THBS1: variants seen among roughly 807,000 people sequenced by gnomAD.
THBS1 encodes the protein thrombospondin-1.
Under a neutral mutation model 126.1 loss-of-function variants are expected in THBS1, and 29 were observed. The observed-to-expected ratio is 0.23, with a 90% confidence interval of 0.17 to 0.31. The LOEUF (loss-of-function observed/expected upper bound fraction) is 0.31, where lower values mean the gene tolerates loss of function less well. Among genes scored for constraint, THBS1 ranks in the 10% least tolerant of loss-of-function variants. THBS1 has a pLI of 1.00. For missense variants in THBS1, 1,198 were observed against 1,545.2 expected, an observed-to-expected ratio of 0.78 and a Z score of 3.77; for synonymous variants, 496 against 577.8, an observed-to-expected ratio of 0.86 and a Z score of 2.03.
chr15:39,590,473 A>G (rs1184749207), intron 13 of THBS1, 43 bp from the exon 14 acceptor site: 1 of 1,500,692 alleles, frequency 6.7e-7, no homozygotes, highest in South Asian at 1.2e-5. Context: ...GCTCAGCATG[A>G]GGAAGGCAAC....
intron 13 of THBS1, 31 bp from the exon 14 acceptor site, chr15:39,590,485 G>A: frequency 1.3e-6 from 2 of 1,553,628 alleles, no homozygotes; most frequent in Non-Finnish European, 1.8e-6. Context: ...GAAGGCAACT[G>A]AAGCAGTGAT....
chr15:39,591,223 G>A lies in THBS1; in HGVS notation c.2286G>A (p.Gln762=), dbSNP rs749280837. 3 of 1,614,162 alleles carry A rather than the reference G, an allele frequency of 1.9e-6. No individual in the cohort carries two copies. Among genetic ancestry groups the A allele is most frequent in the Non-Finnish European group, 2.5e-6 (3 of 1,180,028 alleles). ...DNCPFHYNPA[Q]YDYDRDDVGD... ...GTCCATTCCATTACAACCCAGCTCA[G>A]TATGACTATGACAGAGATGATGTGG... The change falls in exon 15 of 22, where the codon CAG becomes CAA. Residue 762 remains glutamine, a synonymous_variant. Coordinates refer to ENST00000260356, the MANE Select transcript of THBS1 (RefSeq NM_003246.4).
rs912883601 is a variant in THBS1 at position 39,599,313 on chromosome 15, C to T, written c.*3944C>T. 1 of 152,144 alleles carries T rather than the reference C, an allele frequency of 6.6e-6. No individual in the cohort carries two copies. Among genetic ancestry groups the T allele is most frequent in the Non-Finnish European group, 1.5e-5 (1 of 68,028 alleles). 9.4% of individuals were successfully genotyped at this position (152,144 alleles called of 1,614,324 possible). A position where few individuals can be genotyped will look rare whatever the true frequency, so the allele number is the denominator to read the frequency against. On this transcript the variant is annotated 3_prime_UTR_variant, in exon 22 of 22. Coordinates refer to ENST00000260356, the MANE Select transcript of THBS1 (RefSeq NM_003246.4). ...TCAGTTGACATGCTGTGAATGGTCCCACCTCTTTTATGGCAGAATTCATTA... is the reference window on the plus strand; with the variant it reads ...TCAGTTGACATGCTGTGAATGGTCCTACCTCTTTTATGGCAGAATTCATTA...
rs1595510213 is a variant in THBS1 at position 39,589,168 on chromosome 15, C to G, written c.1774-34C>G. On this transcript the variant is annotated intron_variant, in intron 11 of 21. Coordinates refer to ENST00000260356, the MANE Select transcript of THBS1 (RefSeq NM_003246.4). The surrounding 1 kb of genome is among the most constrained non-coding windows in gnomAD (Gnocchi z 4.7). ...AGTCGCTTCCTTATGGCAGTGACTTCTAAACATGATGCACGCTCTTATTTC... is the reference window on the plus strand; with the variant it reads ...AGTCGCTTCCTTATGGCAGTGACTTGTAAACATGATGCACGCTCTTATTTC... 3 of 1,613,686 alleles carry G rather than the reference C, an allele frequency of 1.9e-6. No homozygotes were observed. In the East Asian group the frequency reaches 6.7e-5, roughly 36 times the overall value.
chr15:39,588,065 C>T lies in THBS1; in HGVS notation c.1318C>T (p.His440Tyr). 1 of 1,614,116 alleles carries T rather than the reference C, an allele frequency of 6.2e-7. No homozygotes were observed. Among genetic ancestry groups the T allele is most frequent in the Non-Finnish European group, 8.5e-7 (1 of 1,179,984 alleles). The part of the protein sequence containing the change: ...KRFKQDGGWS[H>Y]WSPWSSCSVT... ...AGTTAAACAGGATGGTGGCTGGAGC[C>T]ACTGGTCCCCGTGGTCATCTTGTTC... Residue 440 changes from histidine (H) to tyrosine (Y), a missense_variant, in exon 9 of 22, where the codon CAC becomes TAC. This residue lies in a region of THBS1 where 663 missense variants were observed against 860.1 expected (regional missense o/e 0.77). Coordinates refer to ENST00000260356, the MANE Select transcript of THBS1 (RefSeq NM_003246.4).
chr15:39,591,368 C>A lies in THBS1; in HGVS notation c.2413+18C>A. 1.2e-6 allele frequency: 2 copies of A among 1,606,454 alleles called. No homozygotes were observed. Among genetic ancestry groups the A allele is most frequent in the Non-Finnish European group, 1.7e-6 (2 of 1,175,128 alleles). On this transcript the variant is annotated intron_variant, in intron 15 of 21. Coordinates refer to ENST00000260356, the MANE Select transcript of THBS1 (RefSeq NM_003246.4). Reference sequence around the variant, plus strand: ...TGGAGACGGTAAGGTGCTGCCTGATCAGAGGGCCCGCGGGAGACAGGGACA... The same window carrying A: ...TGGAGACGGTAAGGTGCTGCCTGATAAGAGGGCCCGCGGGAGACAGGGACA...
At chr15:39,587,150 A>G in intron 7 of THBS1, 197 bp from the exon 8 acceptor site, 1 of 464,480 alleles carries the variant, frequency 2.2e-6, no homozygotes, top group East Asian at 3.2e-5. Flanking sequence ...GGTAATCACA[A>G]TATATGTGTA....
intron 7 of THBS1, 83 bp downstream of exon 7, chr15:39,585,646 A>G: frequency 1.6e-6 from 2 of 1,268,730 alleles, no homozygotes; most frequent in Non-Finnish European, 1.1e-6. Flanking sequence ...ACAACACTGG[A>G]ACCCCACCCC....
Position 39,582,241 on chromosome 15 carries a change from C to A in THBS1, c.116C>A (p.Ala39Asp), listed in dbSNP as rs1232077795. 6.2e-7 allele frequency: 1 copy of A among 1,613,702 alleles called. No homozygotes were observed. The highest frequency in any genetic ancestry group is 1.1e-5 in the South Asian group (1 of 91,018). ...SVFDIFELTGAARKGSGRRLV... is the reference protein window; with the variant it reads ...SVFDIFELTGDARKGSGRRLV... ...TTTGACATCTTTGAACTCACCGGGGCCGCCCGCAAGGGGTCTGGGCGCCGA... is the reference window on the plus strand; with the variant it reads ...TTTGACATCTTTGAACTCACCGGGGACGCCCGCAAGGGGTCTGGGCGCCGA... Residue 39 changes from alanine to aspartate, a missense_variant, in exon 3 of 22, where the codon GCC becomes GAC. Physicochemically the swap from Ala to Asp is moderately radical, Grantham distance 126. Coordinates refer to ENST00000260356, the MANE Select transcript of THBS1 (RefSeq NM_003246.4).
In THBS1 at chr15:39,595,684, C is replaced by A; in HGVS notation, c.*315C>A. The stretch of plus-strand genomic sequence containing the variant: ...ATTCCACTCTGCCTTTGTCACAGAG[C>A]AGGGTGCTATTGTGAGGCCATCTCT... On this transcript the variant is annotated 3_prime_UTR_variant, in exon 22 of 22. Transcript: ENST00000260356. 1 of 550,050 alleles carries A rather than the reference C, an allele frequency of 1.8e-6. No individual in the cohort carries two copies. Among genetic ancestry groups the A allele is most frequent in the Non-Finnish European group, 3.5e-6 (1 of 288,358 alleles). The allele number at this position is 550,050 out of a possible 1,614,324, so 34.1% of individuals were successfully genotyped here.
chr15:39,593,197 A>G lies in THBS1; in HGVS notation c.2965A>G (p.Thr989Ala). The change falls in exon 18 of 22, where the codon ACT becomes GCT. Residue 989 changes from threonine (T) to alanine (A), a missense_variant. This residue lies in a region of THBS1 where 255 missense variants were observed against 373.9 expected (regional missense o/e 0.68). Transcript: ENST00000260356. The surrounding 1 kb of genome is among the most constrained non-coding windows in gnomAD (Gnocchi z 5.9). Reference sequence around the variant, plus strand: ...CCATCAGGGTAAAGAACTCGTCCAGACTGTCAACTGTGATCCTGGACTCGC... The same window carrying G: ...CCATCAGGGTAAAGAACTCGTCCAGGCTGTCAACTGTGATCCTGGACTCGC... ...VRHQGKELVQ[T>A]VNCDPGLAVG... The G allele has an allele frequency of 6.2e-7, 1 of 1,613,906 alleles. No individual in the cohort carries two copies.
chr15:39,587,031 T>C (rs945113125), intron 7 of THBS1: 1 of 195,926 alleles, frequency 5.1e-6, no homozygotes, highest in African/African-American at 2.3e-5. Context: ...GTGACCATAG[T>C]TAATAATACT....
Position 39,592,864 on chromosome 15 carries a change from A to G in THBS1, c.2767+62A>G. On this transcript the variant is annotated intron_variant, in intron 17 of 21. Transcript: ENST00000260356. This position sits in a 1 kb window ranked among gnomAD's most constrained non-coding sequence, Gnocchi z 4.3. The stretch of plus-strand genomic sequence containing the variant: ...CTGGCACAGCTGTGTAGATTGAAGA[A>G]ATGAAACCAAGGCTCAAAGCATTTG... 3.8e-6 allele frequency: 6 copies of G among 1,564,670 alleles called. No individual in the cohort carries two copies. The South Asian group carries it at 7.1e-5, about 18-fold the overall frequency.
rs780083656 is a variant in THBS1 at position 39,589,075 on chromosome 15, G to C, written c.1762G>C (p.Asp588His). Residue 588 changes from aspartate (D) to histidine (H), a missense_variant, in exon 11 of 22, where the codon GAT becomes CAT. Asp to His is a moderately conservative substitution (Grantham distance 81). This residue lies in a region of THBS1 where 663 missense variants were observed against 860.1 expected (regional missense o/e 0.77). Coordinates refer to ENST00000260356, the MANE Select transcript of THBS1 (RefSeq NM_003246.4). This position sits in a 1 kb window ranked among gnomAD's most constrained non-coding sequence, Gnocchi z 4.7. ...GYSGNGIQCT[D>H]VDECKEVPDA... ...CAGTGGAAATGGCATCCAGTGCACA[G>C]ATGTTGATGAGGTGAGGAACTGATG... 8.7e-6 allele frequency: 14 copies of C among 1,614,184 alleles called. No individual in the cohort carries two copies. In the South Asian group the frequency reaches 1.4e-4, roughly 16 times the overall value.
chr15:39,591,969 A>C (rs1220812571), intron 16 of THBS1, among the ~76,000 whole-genome samples: 1 of 152,248 alleles, frequency 6.6e-6, no homozygotes, highest in Non-Finnish European at 1.5e-5. Flanking sequence ...TGTAATACTA[A>C]GAGATGGAAA....
chr15:39,592,925 A>G lies in THBS1; in HGVS notation c.2768-75A>G, dbSNP rs746113046. The stretch of plus-strand genomic sequence containing the variant: ...GGGACCAAATGCCAACTTAGACAAG[A>G]TAGTGACATTTCTGACACCAGTAAT... On this transcript the variant is annotated intron_variant, in intron 17 of 21. Transcript: ENST00000260356. The surrounding 1 kb of genome is among the most constrained non-coding windows in gnomAD (Gnocchi z 4.3). The G allele has an allele frequency of 1.9e-6, 3 of 1,559,068 alleles. No individual in the cohort carries two copies. Among genetic ancestry groups the G allele is most frequent in the Non-Finnish European group, 2.6e-6 (3 of 1,139,262 alleles).
chr15:39,591,470 G>A, intron 15 of THBS1, 35 bp from the exon 16 acceptor site: 3 of 1,612,944 alleles, frequency 1.9e-6, no homozygotes, highest in South Asian at 2.2e-5. Flanking sequence ...CAAGGCTGGA[G>A]AGCCCAGCTC....
intron 3 of THBS1, 103 bp from the exon 4 acceptor site, chr15:39,583,514 A>G: frequency 1.1e-6 from 1 of 910,082 alleles, no homozygotes; most frequent in Non-Finnish European, 1.7e-6. Context: ...TGAAGCTTTT[A>G]GAACATCTAT....
At chr15:39,582,974 G>A (rs1890142040) in intron 3 of THBS1, among the ~76,000 whole-genome samples, 1 of 152,246 alleles carries the variant, frequency 6.6e-6, no homozygotes, top group Non-Finnish European at 1.5e-5. Flanking sequence ...ACCAGGTGAT[G>A]CTGATGCCGG....
Sources: allele counts gnomAD v4.1 joint callset (sites outside exome capture counted in the v4.1 genomes callset), GRCh38; gene constraint gnomAD v4.1.1; regional missense constraint gnomAD v4.1.1; non-coding constraint Gnocchi (gnomAD v3.1); transcripts MANE v1.5; gene names NCBI Gene and HGNC (gene_info 2026-07-23, HGNC 2026-07-21).